Variants in VAV3 observed in about 807,000 individuals in gnomAD.
VAV3 encodes the protein guanine nucleotide exchange factor VAV3.
VAV3 carries 94 observed loss-of-function variants against 131.2 expected under a neutral mutation model. The observed-to-expected ratio is 0.72, with a 90% confidence interval of 0.61 to 0.85. VAV3 has a LOEUF of 0.85. Among genes scored for constraint, VAV3 ranks in the 40% least tolerant of loss-of-function variants. The pLI, the probability that VAV3 is intolerant of heterozygous loss-of-function variation, is 0.00. For missense variants in VAV3, 939 were observed against 1,002.7 expected (o/e 0.94, Z 0.86); for synonymous variants, 349 against 342.0 (o/e 1.02, Z -0.22).
At chr1:107,692,215 T>C (rs1659472565) in intron 17 of VAV3, among the ~76,000 whole-genome samples, 2 of 152,166 alleles carry the variant, frequency 1.3e-5, no homozygotes. Flanking sequence ...CTTTCACAAA[T>C]GCTATGTTCA....
At chr1:107,621,733 A>G (rs1653623855) in intron 20 of VAV3, among the ~76,000 whole-genome samples, 1 of 152,138 alleles carries the variant, frequency 6.6e-6, no homozygotes, top group African/African-American at 2.4e-5. Flanking sequence ...ATAGGGAATC[A>G]TCTTTTAGTT....
rs549302360 is a variant in VAV3 at position 107,910,922 on chromosome 1, G to A, written c.205-35905C>T. ...TTAAACCTAGGAGGCGGAAGTTGCA[G>A]TGGGCCGGTATCACACCATTGCACT... is the stretch of plus-strand genomic sequence containing the variant. On this transcript the variant is annotated intron_variant, in intron 1 of 26. Coordinates refer to ENST00000370056, the MANE Select transcript of VAV3 (RefSeq NM_006113.5). 3.9e-5 allele frequency among the ~76,000 whole-genome samples: 6 copies of A among 152,094 alleles called. No homozygotes were observed. The South Asian group carries it at 1.2e-3, about 32-fold the overall frequency.
At chr1:107,723,433 T>TGG (rs1476893551) in intron 15 of VAV3, among the ~76,000 whole-genome samples, 1 of 135,042 alleles carries the variant, frequency 7.4e-6, no homozygotes, top group Admixed American at 8.3e-5. Context: ...AGCCCTCAAG[T>TGG]AAGTCCTCCA....
At chr1:107,619,000 T>C (rs556654079) in intron 20 of VAV3, among the ~76,000 whole-genome samples, 1 of 152,276 alleles carries the variant, frequency 6.6e-6, no homozygotes, top group South Asian at 2.1e-4. Flanking sequence ...ACAAGGAAAC[T>C]GATCCCATGG....
chr1:107,914,415 A>T (rs937883408), intron 1 of VAV3, among the ~76,000 whole-genome samples: 4 of 152,230 alleles, frequency 2.6e-5, no homozygotes, highest in Non-Finnish European at 4.4e-5. Flanking sequence ...GTTGGCACCA[A>T]GTCCTAGCTT....
chr1:107,754,360 C>T (rs1407764517), intron 12 of VAV3, among the ~76,000 whole-genome samples: 1 of 152,130 alleles, frequency 6.6e-6, no homozygotes, highest in Non-Finnish European at 1.5e-5. Flanking sequence ...GGGTATGTGG[C>T]TGCATGTGTG....
intron 2 of VAV3, among the ~76,000 whole-genome samples, chr1:107,827,927 T>C (rs752451941): frequency 4.6e-5 from 7 of 152,178 alleles, no homozygotes; most frequent in Non-Finnish European, 8.8e-5. Flanking sequence ...AACTAGAGGC[T>C]TGAGAATTAC....
chr1:107,887,104 A>G (rs530174184), intron 1 of VAV3, among the ~76,000 whole-genome samples: 7 of 152,356 alleles, frequency 4.6e-5, no homozygotes, highest in South Asian at 2.1e-4. Context: ...GAACTTCTCC[A>G]TGGTTTGCTT....
intron 1 of VAV3, among the ~76,000 whole-genome samples, chr1:107,935,341 A>C (rs1388309898): frequency 6.6e-6 from 1 of 152,240 alleles, no homozygotes; most frequent in Non-Finnish European, 1.5e-5. Flanking sequence ...CCAGTCAGCA[A>C]ATAAAATTCA....
intron 25 of VAV3, among the ~76,000 whole-genome samples, chr1:107,575,234 C>T (rs917573124): frequency 3.3e-5 from 5 of 152,086 alleles, no homozygotes; most frequent in East Asian, 1.9e-4. Flanking sequence ...AATCACTCAT[C>T]GGAGGTTGGT....
At chr1:107,901,526 A>G (rs1376303908) in intron 1 of VAV3, among the ~76,000 whole-genome samples, 1 of 152,216 alleles carries the variant, frequency 6.6e-6, no homozygotes, top group African/African-American at 2.4e-5. Context: ...AATGTAAAAC[A>G]AAAAATGAGG....
chr1:107,622,449 C>T (rs1024369142), intron 20 of VAV3, among the ~76,000 whole-genome samples: 1 of 152,158 alleles, frequency 6.6e-6, no homozygotes, highest in Non-Finnish European at 1.5e-5. Flanking sequence ...TCATAAATTG[C>T]TTGGCTCCTA....
chr1:107,652,922 C>T (rs1261253172), intron 19 of VAV3, among the ~76,000 whole-genome samples: 1 of 151,984 alleles, frequency 6.6e-6, no homozygotes, highest in African/African-American at 2.4e-5. Context: ...TTATACTCAT[C>T]CTGAATACAC....
At chr1:107,582,569 C>G (rs1395452605) in intron 25 of VAV3, among the ~76,000 whole-genome samples, 1 of 125,142 alleles carries the variant, frequency 8.0e-6, no homozygotes, top group African/African-American at 3.0e-5. Context: ...CCCCTCCCCC[C>G]ACCCCACAAC....
intron 2 of VAV3, among the ~76,000 whole-genome samples, chr1:107,783,858 C>A (rs1307818298): frequency 6.7e-6 from 1 of 149,548 alleles, no homozygotes; most frequent in Non-Finnish European, 1.5e-5. Context: ...ACCATCCTGG[C>A]CAACACAGTG....
chr1:107,942,841 C>G (rs1674068301), intron 1 of VAV3, among the ~76,000 whole-genome samples: 1 of 152,178 alleles, frequency 6.6e-6, no homozygotes, highest in South Asian at 2.1e-4. Context: ...TTCTTAAGGG[C>G]CACCCCCATT....
intron 15 of VAV3, among the ~76,000 whole-genome samples, chr1:107,727,022 C>T (rs1275200530): frequency 6.6e-6 from 1 of 152,186 alleles, no homozygotes; most frequent in Admixed American, 6.5e-5. Context: ...AGAAAAACAT[C>T]ATAACAACGG....
chr1:107,878,874 G>C (rs1050235331), intron 1 of VAV3, among the ~76,000 whole-genome samples: 2 of 151,932 alleles, frequency 1.3e-5, no homozygotes, highest in Non-Finnish European at 2.9e-5. Context: ...GATCATCCTT[G>C]CTTTAATTAT....
At chr1:107,746,477 T>C (rs1051571817) in intron 15 of VAV3, among the ~76,000 whole-genome samples, 12 of 152,208 alleles carry the variant, frequency 7.9e-5, no homozygotes, top group Admixed American at 2.0e-4. Context: ...GTTCTGTGCA[T>C]GTGCTGCAGC....
Sources: allele counts gnomAD v4.1 joint callset (sites outside exome capture counted in the v4.1 genomes callset), GRCh38; gene constraint gnomAD v4.1.1; transcripts MANE v1.5; gene names NCBI Gene and HGNC (gene_info 2026-07-23, HGNC 2026-07-21).